Variants in MAN2A1 observed in about 807,000 individuals in gnomAD.
The protein encoded by MAN2A1 is alpha-mannosidase 2.
A neutral mutation model predicts 142.6 loss-of-function variants in MAN2A1; 76 were observed. That is an observed-to-expected ratio of 0.53 (90% confidence interval 0.44 to 0.65). The LOEUF is 0.65. Ranked by LOEUF, MAN2A1 falls within the 30% of genes least tolerant of loss-of-function variation. MAN2A1 has a pLI of 0.00. For missense variants in MAN2A1, 1,311 were observed against 1,365.1 expected (o/e 0.96, Z 0.62); for synonymous variants, 559 against 473.2 (o/e 1.18, Z -2.35).
intron 1 of MAN2A1, among the ~76,000 whole-genome samples, chr5:109,700,527 T>C (rs1255596669): frequency 6.6e-6 from 1 of 152,146 alleles, no homozygotes; most frequent in African/African-American, 2.4e-5. Context: ...CATCGGAACA[T>C]TGAAGACTGA....
At chr5:109,735,702 A>G (rs548809887) in intron 4 of MAN2A1, among the ~76,000 whole-genome samples, 82 of 152,270 alleles carry the variant, frequency 5.4e-4, no homozygotes, top group African/African-American at 1.9e-3. Flanking sequence ...ATTCTTAACT[A>G]TATTAAAAAG....
chr5:109,820,157 C>G (rs1225601647), intron 14 of MAN2A1, 63 bp from the exon 15 acceptor site: 9 of 1,380,786 alleles, frequency 6.5e-6, no homozygotes, highest in Admixed American at 1.9e-5. Context: ...TACATAGAAC[C>G]AGATGCAACA....
At chr5:109,832,714 G>T (rs910924703) in intron 16 of MAN2A1, among the ~76,000 whole-genome samples, 1 of 152,080 alleles carries the variant, frequency 6.6e-6, no homozygotes, top group African/African-American at 2.4e-5. Context: ...GGTGGCGGCC[G>T]GGCAGAGGGG....
At chr5:109,700,362 T>G (rs1255154610) in intron 1 of MAN2A1, among the ~76,000 whole-genome samples, 1 of 151,962 alleles carries the variant, frequency 6.6e-6, no homozygotes, top group African/African-American at 2.4e-5. Flanking sequence ...AGTGCTTTGT[T>G]TCCTTTGTGA....
At chr5:109,855,915 G>A (rs138439751) in intron 20 of MAN2A1, among the ~76,000 whole-genome samples, 2,707 of 152,278 alleles carry the variant, frequency 0.018, 38 homozygotes, top group Non-Finnish European at 0.027. Flanking sequence ...TTGTTCTTAT[G>A]TGTTGCAAAG....
At chr5:109,690,884 C>T (rs571428845) in intron 1 of MAN2A1, among the ~76,000 whole-genome samples, 6 of 152,100 alleles carry the variant, frequency 3.9e-5, no homozygotes, top group Admixed American at 3.9e-4. Context: ...GAGGCACCCC[C>T]CGCCAGCCCG....
In MAN2A1 at chr5:109,788,942, A is replaced by G. The variant is rs763352031; in HGVS notation, c.1769A>G (p.His590Arg). The G allele has an allele frequency of 2.0e-6, 3 of 1,531,084 alleles. No homozygotes were observed. The allele number at this position is 1,531,084 out of a possible 1,614,324, so 94.8% of individuals were successfully genotyped here. The part of the protein sequence containing the change: ...VVVDYGTRLF[H>R]SLMVLEKIIG... The stretch of plus-strand genomic sequence containing the variant: ...AAATTTTTGATTTACAGACTTTTTC[A>G]TTCGTTAATGGTTTTGGAGAAGATA... The change falls in exon 11 of 22, where the codon CAT (histidine) becomes CGT (arginine). Residue 590 changes from histidine to arginine, a missense_variant. Around this residue, in one of 3 missense-constraint regions of MAN2A1, gnomAD observed 890 missense variants for 920.5 expected, o/e 0.97. Coordinates refer to ENST00000261483, the MANE Select transcript of MAN2A1 (RefSeq NM_002372.4).
intron 1 of MAN2A1, among the ~76,000 whole-genome samples, chr5:109,695,903 T>A (rs1351741177): frequency 1.3e-5 from 2 of 152,182 alleles, no homozygotes; most frequent in African/African-American, 4.8e-5. Context: ...CAGACAGGTT[T>A]GAGGATTAAT....
chr5:109,773,101 G>A (rs1010060110), intron 7 of MAN2A1, among the ~76,000 whole-genome samples: 1 of 152,140 alleles, frequency 6.6e-6, no homozygotes, highest in African/African-American at 2.4e-5. Flanking sequence ...TTTCAAATGT[G>A]ATGTTGGGTC....
intron 16 of MAN2A1, among the ~76,000 whole-genome samples, chr5:109,834,991 G>T (rs1755022358): frequency 6.6e-6 from 1 of 151,632 alleles, no homozygotes; most frequent in Non-Finnish European, 1.5e-5. Context: ...TTTAAATATG[G>T]TCACGATAAT....
At chr5:109,865,429 C>T (rs34813957) in intron 21 of MAN2A1, 26,856 of 369,094 alleles carry the variant, frequency 0.073, 1,200 homozygotes, top group African/African-American at 0.14. Flanking sequence ...AAGTGCCTTG[C>T]TCCCAGTCCC....
intron 4 of MAN2A1, among the ~76,000 whole-genome samples, chr5:109,732,048 G>A (rs1168820600): frequency 1.3e-5 from 2 of 152,040 alleles, no homozygotes; most frequent in South Asian, 2.1e-4. Flanking sequence ...TTTAATGATT[G>A]CCATTCTAAC....
intron 4 of MAN2A1, among the ~76,000 whole-genome samples, chr5:109,737,092 CTTTTTTTTT>C (rs10686903): frequency 1.8e-5 from 2 of 112,160 alleles, no homozygotes; most frequent in East Asian, 2.7e-4. Flanking sequence ...ACTGTATACT[CTTTTTTTTT>C]TTTTTTTTTT....
At chr5:109,736,137 A>G (rs1390108436) in intron 4 of MAN2A1, among the ~76,000 whole-genome samples, 1 of 152,136 alleles carries the variant, frequency 6.6e-6, no homozygotes, top group African/African-American at 2.4e-5. Flanking sequence ...AATGTTAGCT[A>G]TTAATTTAGA....
chr5:109,739,929 A>G lies in MAN2A1; in HGVS notation c.707+10416A>G, dbSNP rs147153969. Among the ~76,000 whole-genome samples, 11 of 152,310 alleles carry G rather than the reference A, an allele frequency of 7.2e-5. No homozygotes were observed. The East Asian group carries it at 2.1e-3, about 29-fold the overall frequency. ...TCTTTAGAGAGCGAAGTGAGGGCTG[A>G]CAGATGGAGGGAGGGAAGCAGACAC... is the stretch of plus-strand genomic sequence containing the variant. On this transcript the variant is annotated intron_variant, in intron 4 of 21. Coordinates refer to ENST00000261483, the MANE Select transcript of MAN2A1 (RefSeq NM_002372.4).
Position 109,737,670 on chromosome 5 carries a change from A to G in MAN2A1, c.707+8157A>G, listed in dbSNP as rs138699645. Reference sequence around the variant, plus strand: ...CAATATTAAACCCAGGGCTCATGAAAAAGTATCGTTAGAGTGTAGCACTCT... The same window carrying G: ...CAATATTAAACCCAGGGCTCATGAAGAAGTATCGTTAGAGTGTAGCACTCT... On this transcript the variant is annotated intron_variant, in intron 4 of 21. Transcript: ENST00000261483. 2.7e-3 allele frequency among the ~76,000 whole-genome samples: 416 copies of G among 152,262 alleles called. 3 individuals are homozygous for G. Among genetic ancestry groups the G allele is most frequent in the Admixed American group, 4.3e-3 (65 of 15,282 alleles).
intron 4 of MAN2A1, among the ~76,000 whole-genome samples, chr5:109,748,119 T>G (rs1194031482): frequency 1.3e-5 from 2 of 152,320 alleles, no homozygotes; most frequent in South Asian, 4.1e-4. Context: ...TATAATGCTC[T>G]TATTTTAAAA....
At chr5:109,770,179 C>A (rs894765047) in intron 6 of MAN2A1, among the ~76,000 whole-genome samples, 176 bp from the exon 7 acceptor site, 3 of 152,146 alleles carry the variant, frequency 2.0e-5, no homozygotes, top group African/African-American at 7.2e-5. Context: ...GAGTATCTTC[C>A]TTCAGACAGG....
intron 12 of MAN2A1, among the ~76,000 whole-genome samples, chr5:109,811,334 G>T (rs557915680): frequency 6.6e-6 from 1 of 152,148 alleles, no homozygotes; most frequent in African/African-American, 2.4e-5. Flanking sequence ...TCCAAGAAAT[G>T]AAATTCAGTG....
Sources: gnomAD v4.1 joint callset for allele counts (sites outside exome capture counted in the v4.1 genomes callset) on GRCh38, gnomAD v4.1.1 for gene constraint, gnomAD v4.1.1 regional missense constraint, MANE v1.5 for transcripts, NCBI Gene and HGNC (gene_info 2026-07-23, HGNC 2026-07-21) for gene names.